Variants in ADGRL3 observed in about 807,000 individuals in gnomAD.
ADGRL3 encodes the protein calcium-independent alpha-latrotoxin receptor 3.
In ADGRL3, 62 loss-of-function variants were observed where a neutral mutation model predicts 153.5. The ratio of observed to expected loss-of-function variants is 0.40; its 90% CI spans 0.33 to 0.50. The LOEUF is 0.50. ADGRL3 is among the 20% of genes least tolerant of loss of function. The pLI, the probability that ADGRL3 is intolerant of heterozygous loss-of-function variation, is 0.47. For missense variants in ADGRL3, 1,641 were observed against 1,859.4 expected (o/e 0.88, Z 2.16); for synonymous variants, 710 against 672.5 (o/e 1.06, Z -0.86).
chr4:61,350,854 C>T (rs2096031857), intron 1 of ADGRL3, among the ~76,000 whole-genome samples: 1 of 152,018 alleles, frequency 6.6e-6, no homozygotes, highest in Non-Finnish European at 1.5e-5. Context: ...CCCCTCTGTG[C>T]CCTGAAACAC....
At chr4:61,508,704 A>G (rs1337727899) in intron 3 of ADGRL3, among the ~76,000 whole-genome samples, 1 of 152,170 alleles carries the variant, frequency 6.6e-6, no homozygotes, top group Non-Finnish European at 1.5e-5. Flanking sequence ...ATACTACCCA[A>G]TAGGTAGTTT....
chr4:61,402,419 T>C (rs1473571600), intron 2 of ADGRL3, among the ~76,000 whole-genome samples: 3 of 152,098 alleles, frequency 2.0e-5, no homozygotes, highest in African/African-American at 4.8e-5. Flanking sequence ...TCTACATGGA[T>C]TTGGTAGGTT....
chr4:61,337,975 A>G (rs1054165478), intron 1 of ADGRL3, among the ~76,000 whole-genome samples: 10 of 152,146 alleles, frequency 6.6e-5, no homozygotes, highest in Non-Finnish European at 1.3e-4. Flanking sequence ...GAAGACTGCC[A>G]TGACAGGCCG....
At chr4:61,595,270 A>G (rs1309336262) in intron 5 of ADGRL3, among the ~76,000 whole-genome samples, 2 of 152,006 alleles carry the variant, frequency 1.3e-5, no homozygotes, top group African/African-American at 2.4e-5. Flanking sequence ...TGGGAATGTG[A>G]TGGGTCTTTT....
intron 2 of ADGRL3, among the ~76,000 whole-genome samples, chr4:61,491,850 G>A (rs372856806): frequency 6.6e-6 from 1 of 152,068 alleles, no homozygotes; most frequent in East Asian, 1.9e-4. Context: ...GGTACTTTAT[G>A]GAGAAGGCTT....
At chr4:61,791,938 A>G (rs1016289540) in intron 8 of ADGRL3, among the ~76,000 whole-genome samples, 1 of 152,168 alleles carries the variant, frequency 6.6e-6, no homozygotes, top group Non-Finnish European at 1.5e-5. Context: ...GGCCCGGCCC[A>G]TGAAACCACT....
rs757078842 is a variant in ADGRL3 at position 61,711,491 on chromosome 4, T to TATATATATATAC, written c.584-19130_584-19129insTATATATATACA. On this transcript the variant is annotated intron_variant, in intron 6 of 26. Coordinates refer to ENST00000683033, the MANE Select transcript of ADGRL3 (RefSeq NM_001387552.1). ...ATATATATATATATATATATATATA[T>TATATATATATAC]ACACACACACACACACACACACAAT... 4.7e-4 allele frequency among the ~76,000 whole-genome samples: 42 copies of TATATATATATAC among 89,190 alleles called. No homozygotes were observed. In the East Asian group the frequency reaches 7.5e-3, roughly 16 times the overall value. The allele number at this position is 89,190 out of a possible 152,430, so 58.5% of individuals were successfully genotyped here. A position where few individuals can be genotyped will look rare whatever the true frequency, so the allele number is the denominator to read the frequency against.
At chr4:61,303,419 A>T (rs1200801834) in intron 1 of ADGRL3, among the ~76,000 whole-genome samples, 1 of 151,922 alleles carries the variant, frequency 6.6e-6, no homozygotes, top group Non-Finnish European at 1.5e-5. Context: ...CTAATTGTTG[A>T]CACTTAATAA....
At chr4:61,818,549 A>G (rs1701705188) in intron 9 of ADGRL3, among the ~76,000 whole-genome samples, 1 of 152,174 alleles carries the variant, frequency 6.6e-6, no homozygotes, top group Admixed American at 6.5e-5. Context: ...ATTCGTAAGA[A>G]ATCTGGCCCC....
chr4:61,956,629 G>C (rs892358195), intron 17 of ADGRL3, among the ~76,000 whole-genome samples: 3 of 152,078 alleles, frequency 2.0e-5, no homozygotes, highest in African/African-American at 7.2e-5. Context: ...TGTCCCAAAC[G>C]GTATTGCCTA....
At chr4:61,982,049 A>T (rs1043802510) in intron 18 of ADGRL3, among the ~76,000 whole-genome samples, 1 of 152,216 alleles carries the variant, frequency 6.6e-6, no homozygotes, top group African/African-American at 2.4e-5. Flanking sequence ...TTCTAACTCT[A>T]AAAAGCAAGA....
intron 8 of ADGRL3, among the ~76,000 whole-genome samples, chr4:61,801,628 A>G (rs952074984): frequency 1.8e-4 from 28 of 152,262 alleles, no homozygotes; most frequent in Non-Finnish European, 3.1e-4. Flanking sequence ...AAAAAAATGA[A>G]GGATATGTGA....
chr4:61,980,157 A>G (rs1046247901), intron 18 of ADGRL3, among the ~76,000 whole-genome samples: 1 of 151,992 alleles, frequency 6.6e-6, no homozygotes, highest in East Asian at 1.9e-4. Flanking sequence ...TCAACACATC[A>G]TTATCATCCA....
At chr4:61,991,053 T>A (rs2099102111) in intron 19 of ADGRL3, among the ~76,000 whole-genome samples, 2 of 151,816 alleles carry the variant, frequency 1.3e-5, no homozygotes, top group South Asian at 2.1e-4. Context: ...AAACAGTATG[T>A]ATATATGTAA....
intron 4 of ADGRL3, among the ~76,000 whole-genome samples, chr4:61,558,356 T>C (rs1412720645): frequency 6.6e-6 from 1 of 151,618 alleles, no homozygotes; most frequent in Non-Finnish European, 1.5e-5. Context: ...CTGCATTGGA[T>C]GCTCATTTTA....
chr4:61,869,958 AAAAG>A (rs1386353826), intron 9 of ADGRL3, among the ~76,000 whole-genome samples: 78 of 111,770 alleles, frequency 7.0e-4, no homozygotes, highest in African/African-American at 2.6e-3. Flanking sequence ...AAAAAAAAAA[AAAAG>A]AGAGAGAGAG....
intron 8 of ADGRL3, among the ~76,000 whole-genome samples, chr4:61,777,704 T>C (rs899412630): frequency 6.6e-6 from 1 of 152,156 alleles, no homozygotes; most frequent in African/African-American, 2.4e-5. Context: ...AGTGCCAAAG[T>C]ACTACTGTGA....
intron 9 of ADGRL3, among the ~76,000 whole-genome samples, chr4:61,829,448 T>C (rs989571389): frequency 2.6e-5 from 4 of 152,190 alleles, no homozygotes; most frequent in Non-Finnish European, 4.4e-5. Context: ...AAAATGTGAA[T>C]AACATATGAT....
chr4:61,746,445 A>T (rs960274588), intron 8 of ADGRL3, among the ~76,000 whole-genome samples: 1 of 152,172 alleles, frequency 6.6e-6, no homozygotes, highest in South Asian at 2.1e-4. Context: ...AAAACTGACC[A>T]CATAGTTGGA....
Sources: allele counts gnomAD v4.1 joint callset (sites outside exome capture counted in the v4.1 genomes callset), GRCh38; gene constraint gnomAD v4.1.1; transcripts MANE v1.5; gene names NCBI Gene and HGNC (gene_info 2026-07-23, HGNC 2026-07-21).